SHARPIN: variants seen among roughly 807,000 people sequenced by gnomAD.
The protein encoded by SHARPIN is hSIPL1.
In SHARPIN, 25 loss-of-function variants were observed where a neutral mutation model predicts 40.3. That is an observed-to-expected ratio of 0.62 (90% CI 0.45 to 0.87). The LOEUF (loss-of-function observed/expected upper bound fraction) is 0.87. SHARPIN is among the 40% of genes least tolerant of loss of function. SHARPIN has a pLI of 0.00. For synonymous variants in SHARPIN, 274 were observed against 221.8 expected (o/e 1.24, Z -2.09); for missense variants, 551 against 516.1 (o/e 1.07, Z -0.66).
At chr8:144,101,144 G>A (rs933342416) in intron 2 of SHARPIN, among the ~76,000 whole-genome samples, 5 of 151,984 alleles carry the variant, frequency 3.3e-5, no homozygotes, top group Non-Finnish European at 7.4e-5. Context: ...CCCTGCCACC[G>A]TTTTAAACAG....
chr8:144,103,126 G>C lies in SHARPIN; in HGVS notation c.301C>G (p.Leu101Val). ...PPPGGPGTLS[L>V]HFLNPQEAQR... ...GCTTCCTGAGGGTTGAGGAAGTGCA[G>C]GCTGAGGGTTCCAGGCCCTCCTGGT... Residue 101 changes from leucine to valine, a missense_variant, in exon 2 of 9, where the codon CTG (leucine) becomes GTG (valine). Coordinates refer to ENST00000398712, the MANE Select transcript of SHARPIN (RefSeq NM_030974.4). 1 of 1,613,684 alleles carries C rather than the reference G, an allele frequency of 6.2e-7. No individual in the cohort carries two copies.
chr8:144,100,101 G>A, intron 2 of SHARPIN, 32 bp from the exon 3 acceptor site: 3 of 1,538,912 alleles, frequency 1.9e-6, no homozygotes, highest in Non-Finnish European at 2.6e-6. Context: ...GCTGTGCTGT[G>A]GCCTCTGTCC....
chr8:144,099,823 G>A lies in SHARPIN; in HGVS notation c.539C>T (p.Ala180Val). The A allele has an allele frequency of 6.2e-7, 1 of 1,612,594 alleles. No individual in the cohort carries two copies. Among genetic ancestry groups the A allele is most frequent in the East Asian group, 2.2e-5 (1 of 44,880 alleles). Residue 180 changes from alanine to valine, a missense_variant, in exon 4 of 9, where the codon GCC (alanine) becomes GTC (valine). By Grantham distance (64) the Ala-to-Val change is moderately conservative. Transcript: ENST00000398712. Reference sequence around the variant, plus strand: ...CTCGTCTCCACCTGCAATAGCCCGGGCCAGGCTCCCTGCCAGCTCTTCTGC... The same window carrying A: ...CTCGTCTCCACCTGCAATAGCCCGGACCAGGCTCCCTGCCAGCTCTTCTGC... ...TEREELAGSLARAIAGGDEKG... is the reference protein window; with the variant it reads ...TEREELAGSLVRAIAGGDEKG...
At position 144,098,734 on chromosome 8, in the gene SHARPIN, G is replaced by T; in HGVS notation, c.*67C>A. The T allele has an allele frequency of 1.6e-6, 1 of 607,304 alleles. No individual in the cohort carries two copies. The highest frequency in any genetic ancestry group is 2.8e-6 in the Non-Finnish European group (1 of 360,276). 37.6% of individuals were successfully genotyped at this position (607,304 alleles called of 1,614,324 possible). A position where few individuals can be genotyped will look rare whatever the true frequency, so the allele number is the denominator to read the frequency against. On this transcript the variant is annotated 3_prime_UTR_variant, in exon 9 of 9. Coordinates refer to ENST00000398712, the MANE Select transcript of SHARPIN (RefSeq NM_030974.4). ...AGTCAGTAGAGGTCCCCGGAGTTCA[G>T]TGGGGGCCTGGAGATGTCGGACTTG...
intron 2 of SHARPIN, among the ~76,000 whole-genome samples, chr8:144,100,993 G>A (rs144006632): frequency 0.013 from 1,932 of 151,772 alleles, 49 homozygotes; most frequent in African/African-American, 0.043. Context: ...GCACCACCAC[G>A]CCCGGCTAAT....
Position 144,100,000 on chromosome 8 carries a change from T to C in SHARPIN, c.446A>G (p.Glu149Gly), listed in dbSNP as rs753558654. ...ACPVSLPSPPEASTLKGPPPE... is the reference protein window; with the variant it reads ...ACPVSLPSPPGASTLKGPPPE... ...TGGAGGGCCCTTGAGTGTGGAGGCT[T>C]CCGGGGGACTGGGCAGGGAGACAGG... Residue 149 changes from glutamate to glycine, a missense_variant, in exon 3 of 9, where the codon GAA (glutamate) becomes GGA (glycine). Transcript: ENST00000398712. The C allele has an allele frequency of 8.7e-6, 14 of 1,608,122 alleles. No individual in the cohort carries two copies. Among genetic ancestry groups the C allele is most frequent in the African/African-American group, 4.0e-5 (3 of 74,690 alleles).
At chr8:144,103,298 G>C (rs1368668839) in intron 1 of SHARPIN, 73 bp from the exon 2 acceptor site, 4 of 1,491,118 alleles carry the variant, frequency 2.7e-6, no homozygotes. Context: ...GAAATACAAG[G>C]TAACATTTAT....
intron 2 of SHARPIN, among the ~76,000 whole-genome samples, chr8:144,102,244 A>C (rs1165232361): frequency 2.0e-5 from 3 of 150,910 alleles, no homozygotes; most frequent in Admixed American, 2.0e-4. Flanking sequence ...AAACCTCCCA[A>C]GCAGCCATGA....
At chr8:144,101,851 G>A (rs192566318) in intron 2 of SHARPIN, among the ~76,000 whole-genome samples, 2 of 152,272 alleles carry the variant, frequency 1.3e-5, no homozygotes, top group Admixed American at 1.3e-4. Context: ...AGGAGTACCT[G>A]GGACAGGGCA....
intron 2 of SHARPIN, among the ~76,000 whole-genome samples, chr8:144,101,403 ATT>A (rs34270727): frequency 2.2e-5 from 2 of 92,422 alleles, no homozygotes; most frequent in African/African-American, 4.5e-5. Flanking sequence ...CACTCAGCTA[ATT>A]TTTTTTTTTT....
In SHARPIN at chr8:144,103,730, C is replaced by T; in HGVS notation, c.24G>A (p.Ala8=). The part of the protein sequence containing the change: MAPPAGG[A]AAAASDLGSA... ...AGCCCAAGTCCGAGGCCGCCGCCGC[C>T]GCCCCGCCCGCTGGCGGCGCCATCT... Residue 8 remains alanine, a synonymous_variant, in exon 1 of 9, where the codon GCG becomes GCA. Coordinates refer to ENST00000398712, the MANE Select transcript of SHARPIN (RefSeq NM_030974.4). The T allele has an allele frequency of 1.4e-6, 2 of 1,387,028 alleles. No homozygotes were observed. Among genetic ancestry groups the T allele is most frequent in the Non-Finnish European group, 1.9e-6 (2 of 1,077,084 alleles). The allele number at this position is 1,387,028 out of a possible 1,614,324, so 85.9% of individuals were successfully genotyped here.
intron 2 of SHARPIN, chr8:144,102,555 G>A (rs1320892543): frequency 5.8e-6 from 1 of 171,664 alleles, no homozygotes; most frequent in Non-Finnish European, 1.3e-5. Flanking sequence ...TTACAGGCGT[G>A]AGCCACCCCA....
At chr8:144,101,654 G>T (rs1375997611) in intron 2 of SHARPIN, among the ~76,000 whole-genome samples, 1 of 142,138 alleles carries the variant, frequency 7.0e-6, no homozygotes, top group African/African-American at 2.6e-5. Context: ...TTAACCTCAT[G>T]ATCTGCCCAC....
chr8:144,099,659 G>C (rs1262201235), intron 4 of SHARPIN, 41 bp from the exon 5 acceptor site: 10 of 1,613,084 alleles, frequency 6.2e-6, no homozygotes, highest in Non-Finnish European at 8.5e-6. Context: ...GGGGGACCTG[G>C]GATGGTCACG....
rs1453464871 is a variant in SHARPIN, at chr8:144,103,678, C to T, written c.76G>A (p.Ala26Thr). The T allele has an allele frequency of 4.6e-6, 7 of 1,520,446 alleles. No homozygotes were observed. Among genetic ancestry groups the T allele is most frequent in the Non-Finnish European group, 6.1e-6 (7 of 1,140,882 alleles). The allele number at this position is 1,520,446 out of a possible 1,614,324, so 94.2% of individuals were successfully genotyped here. ...CCGGCGCCCAGCGGCCTCACCGCGGCGTGCACAGCCAAGAGCACTGCGGCG... is the reference window on the plus strand; with the variant it reads ...CCGGCGCCCAGCGGCCTCACCGCGGTGTGCACAGCCAAGAGCACTGCGGCG... ...GSAAVLLAVH[A>T]AVRPLGAGPD... Residue 26 changes from alanine (A) to threonine (T), a missense_variant, in exon 1 of 9, where the codon GCC becomes ACC. Transcript: ENST00000398712.
chr8:144,100,521 C>T (rs953263269), intron 2 of SHARPIN, among the ~76,000 whole-genome samples: 5 of 152,228 alleles, frequency 3.3e-5, no homozygotes, highest in South Asian at 2.1e-4. Flanking sequence ...CAGAGCTGAG[C>T]ACCCTGCTGA....
chr8:144,103,652 C>A lies in SHARPIN; in HGVS notation c.102G>T (p.Gly34=). ...VHAAVRPLGA[G]PDAEAQLRRL... ...TCCGCAGCTGTGCCTCGGCGTCTGG[C>A]CCGGCGCCCAGCGGCCTCACCGCGG... Residue 34 remains glycine, a synonymous_variant, in exon 1 of 9, where the codon GGG becomes GGT. Coordinates refer to ENST00000398712, the MANE Select transcript of SHARPIN (RefSeq NM_030974.4). 6.6e-7 allele frequency: 1 copy of A among 1,523,532 alleles called. No individual in the cohort carries two copies. Among genetic ancestry groups the A allele is most frequent in the South Asian group, 1.2e-5 (1 of 83,332 alleles). The allele number at this position is 1,523,532 out of a possible 1,614,324, so 94.4% of individuals were successfully genotyped here. A position where few individuals can be genotyped will look rare whatever the true frequency, so the allele number is the denominator to read the frequency against.
chr8:144,099,893 T>TGGCCCCC, intron 3 of SHARPIN, 36 bp downstream of exon 3: 2 of 1,550,854 alleles, frequency 1.3e-6, no homozygotes, highest in Non-Finnish European at 1.8e-6. Flanking sequence ...CTATCTGCTA[T>TGGCCCCC]CCCCGAACCC....
In SHARPIN at chr8:144,098,765, G is replaced by A. The variant is rs995156702; in HGVS notation, c.*36C>T. On this transcript the variant is annotated 3_prime_UTR_variant, in exon 9 of 9. Coordinates refer to ENST00000398712, the MANE Select transcript of SHARPIN (RefSeq NM_030974.4). ...GCCTGGAGATGTCGGACTTGTGAGG[G>A]AAGGGCCACTCTCCCCTTGTAACCT... 2.4e-5 allele frequency: 19 copies of A among 782,438 alleles called. No homozygotes were observed. Among genetic ancestry groups the A allele is most frequent in the African/African-American group, 5.4e-5 (3 of 55,090 alleles). The allele number at this position is 782,438 out of a possible 1,614,324, so 48.5% of individuals were successfully genotyped here.
Sources: gnomAD v4.1 joint callset for allele counts (sites outside exome capture counted in the v4.1 genomes callset) on GRCh38, gnomAD v4.1.1 for gene constraint, MANE v1.5 for transcripts, NCBI Gene and HGNC (gene_info 2026-07-23, HGNC 2026-07-21) for gene names.